MAGEA11: variants seen among roughly 807,000 people sequenced by gnomAD.
MAGEA11 encodes melanoma-associated antigen 11.
Under a neutral mutation model 8.4 loss-of-function variants are expected in MAGEA11, and 1 was observed. That is an observed-to-expected ratio of 0.12 (90% CI 0.04 to 0.57). The LOEUF (loss-of-function observed/expected upper bound fraction) is 0.57. MAGEA11 is among the 20% of genes least tolerant of loss of function. MAGEA11 has a pLI of 0.91. For synonymous variants in MAGEA11, 127 were observed against 119.3 expected (o/e 1.06, Z -0.42); for missense variants, 209 against 317.3 (o/e 0.66, Z 2.59).
chrX:149,690,360 G>A (rs1448879116), intron 1 of MAGEA11, among the ~76,000 whole-genome samples: 3 of 112,494 alleles, frequency 2.7e-5, no homozygotes, highest in Non-Finnish European at 5.6e-5. Flanking sequence ...ATTGTCTGGA[G>A]TTCACAGCAC....
At chrX:149,708,406 G>A (rs1557361644), upstream of MAGEA11, among the ~76,000 whole-genome samples, 4 of 111,610 alleles carry the variant, frequency 3.6e-5, no homozygotes, top group Non-Finnish European at 7.5e-5. Context: ...TAACAAAGTT[G>A]CACACGTACC....
At chrX:149,712,816 G>A (rs181931899) in intron 1 of MAGEA11, among the ~76,000 whole-genome samples, 2 of 110,848 alleles carry the variant, frequency 1.8e-5, no homozygotes, top group African/African-American at 3.2e-5. Context: ...GGGCTGGTTG[G>A]GGGGGGCAGG....
At chrX:149,711,984 C>A, upstream of MAGEA11, 1 of 730,531 alleles carries the variant, frequency 1.4e-6, no homozygotes, top group Non-Finnish European at 1.6e-6. Context: ...CGCCCCGCCC[C>A]CACACGGGCA....
intron 1 of MAGEA11, among the ~76,000 whole-genome samples, chrX:149,689,901 T>C (rs2124274193): frequency 8.9e-6 from 1 of 112,168 alleles, no homozygotes; most frequent in East Asian, 2.8e-4. Context: ...TATTTATCTA[T>C]TCTCTATTCT....
At chrX:149,699,019 A>G (rs1340825380) in intron 1 of MAGEA11, among the ~76,000 whole-genome samples, 4 of 111,647 alleles carry the variant, frequency 3.6e-5, no homozygotes, top group Non-Finnish European at 7.5e-5. Context: ...ATTGATGGGC[A>G]TTTGGGTTGA....
chrX:149,703,934 G>A (rs1217577699), intron 1 of MAGEA11, among the ~76,000 whole-genome samples: 1 of 111,969 alleles, frequency 8.9e-6, no homozygotes, highest in African/African-American at 3.2e-5. Context: ...AAAAACTGAA[G>A]TACATAAAGG....
At chrX:149,700,462 G>T (rs782065032) in intron 1 of MAGEA11, among the ~76,000 whole-genome samples, 2 of 109,919 alleles carry the variant, frequency 1.8e-5, no homozygotes, top group African/African-American at 6.6e-5. Context: ...TCTTTTGCCC[G>T]TTGGTTGTTT....
intron 1 of MAGEA11, among the ~76,000 whole-genome samples, chrX:149,700,233 A>G (rs868994833): frequency 3.3e-4 from 37 of 112,512 alleles, no homozygotes; most frequent in Middle Eastern, 4.6e-3. Flanking sequence ...CGTGCTTTAT[A>G]AATCAGTGTT....
At chrX:149,689,109 C>A in intron 1 of MAGEA11, 2 of 606,199 alleles carry the variant, frequency 3.3e-6, no homozygotes, top group Non-Finnish European at 5.0e-6. Context: ...GCTCAGAATG[C>A]CTCCCATGGT....
chrX:149,707,528 A>G (rs2090382438), upstream of MAGEA11, among the ~76,000 whole-genome samples: 1 of 112,317 alleles, frequency 8.9e-6, no homozygotes, highest in Admixed American at 9.4e-5. Flanking sequence ...TTAATATGTA[A>G]TGTACCAACA....
intron 1 of MAGEA11, among the ~76,000 whole-genome samples, chrX:149,693,136 T>TTTA (rs1283631227): frequency 1.8e-5 from 2 of 112,596 alleles, no homozygotes; most frequent in African/African-American, 6.5e-5. Flanking sequence ...TCCAGGTCTG[T>TTTA]TTATTGCTTT....
At chrX:149,704,695 C>G (rs2090368756) in intron 1 of MAGEA11, among the ~76,000 whole-genome samples, 1 of 112,062 alleles carries the variant, frequency 8.9e-6, no homozygotes, top group South Asian at 3.8e-4. Context: ...CTACAGCAAC[C>G]ATTTGACATG....
At chrX:149,706,853 C>T (rs782240311) in intron 1 of MAGEA11, among the ~76,000 whole-genome samples, 85 of 111,982 alleles carry the variant, frequency 7.6e-4, no homozygotes, top group Non-Finnish European at 1.0e-3. Context: ...CTGTTAGATT[C>T]CACCTTGCAA....
chrX:149,714,431 G>A, intron 2 of MAGEA11, 50 bp from the exon 3 acceptor site: 1 of 1,189,209 alleles, frequency 8.4e-7, no homozygotes, highest in East Asian at 3.0e-5. Flanking sequence ...ACCACATGAT[G>A]GGGTGATGGG....
chrX:149,694,482 CAT>C (rs1557360394), intron 1 of MAGEA11, among the ~76,000 whole-genome samples: 1 of 111,889 alleles, frequency 8.9e-6, no homozygotes, highest in Non-Finnish European at 1.9e-5. Context: ...CTATGATTAA[CAT>C]ATGTTTTCTC....
chrX:149,693,044 T>C (rs782318769), intron 1 of MAGEA11, among the ~76,000 whole-genome samples: 1 of 112,545 alleles, frequency 8.9e-6, no homozygotes, highest in South Asian at 3.7e-4. Context: ...GTTGGCAGTG[T>C]GCAAACGGAC....
intron 1 of MAGEA11, among the ~76,000 whole-genome samples, chrX:149,700,398 A>G (rs2090347033): frequency 9.0e-6 from 1 of 111,433 alleles, no homozygotes; most frequent in Non-Finnish European, 1.9e-5. Context: ...GTGTGTATAT[A>G]TATCTTCATT....
At chrX:149,698,783 G>A (rs782019440) in intron 1 of MAGEA11, among the ~76,000 whole-genome samples, 11 of 110,734 alleles carry the variant, frequency 9.9e-5, no homozygotes, top group South Asian at 4.1e-4. Flanking sequence ...TTGCACCACC[G>A]ACAGGCCCCA....
At chrX:149,692,730 C>T (rs2090315487) in intron 1 of MAGEA11, among the ~76,000 whole-genome samples, 1 of 111,669 alleles carries the variant, frequency 9.0e-6, no homozygotes, top group Non-Finnish European at 1.9e-5. Context: ...GGCTGTGTCC[C>T]CACCCAAATC....
Sources: gnomAD v4.1 joint callset for allele counts (sites outside exome capture counted in the v4.1 genomes callset) on GRCh38, gnomAD v4.1.1 for gene constraint, MANE v1.5 for transcripts, NCBI Gene and HGNC (gene_info 2026-07-23, HGNC 2026-07-21) for gene names.